Variants in XCR1 observed in about 807,000 individuals in gnomAD.
The protein encoded by XCR1 is chemokine XC receptor 1.
For synonymous variants in XCR1, 187 were observed against 188.5 expected (o/e 0.99, Z 0.06); for missense variants, 356 against 424.2 (o/e 0.84, Z 1.41).
intron 5 of XCR1, among the ~76,000 whole-genome samples, chr3:46,047,744 A>T (rs1697662783): frequency 6.6e-6 from 1 of 152,224 alleles, no homozygotes; most frequent in Non-Finnish European, 1.5e-5. Flanking sequence ...ATTGGATGCC[A>T]GTGTTGTATA....
chr3:46,066,402 G>A (rs545897994), intron 4 of XCR1, among the ~76,000 whole-genome samples: 44 of 152,158 alleles, frequency 2.9e-4, no homozygotes, highest in African/African-American at 9.2e-4. Flanking sequence ...GCACCACCAC[G>A]CCCGGCTAAT....
chr3:46,025,272 C>T (rs1708263591), intron 1 of XCR1, among the ~76,000 whole-genome samples: 1 of 152,062 alleles, frequency 6.6e-6, no homozygotes, highest in Admixed American at 6.5e-5. Context: ...GGAGCAGTGG[C>T]TCATGCCTAT....
intron 3 of XCR1, among the ~76,000 whole-genome samples, chr3:46,072,675 C>A (rs1173109990): frequency 6.6e-6 from 1 of 152,036 alleles, no homozygotes; most frequent in South Asian, 2.1e-4. Flanking sequence ...TTAATATTGT[C>A]AAAATGACCA....
chr3:46,071,907 A>G (rs919031684), intron 3 of XCR1, among the ~76,000 whole-genome samples: 8 of 152,166 alleles, frequency 5.3e-5, no homozygotes, highest in Non-Finnish European at 8.8e-5. Context: ...GAACAAGTCA[A>G]GAATGTCCAC....
At chr3:46,062,190 T>C (rs1432268308) in intron 4 of XCR1, among the ~76,000 whole-genome samples, 4 of 152,128 alleles carry the variant, frequency 2.6e-5, no homozygotes, top group African/African-American at 2.4e-5. Flanking sequence ...CTTGGGGAGA[T>C]GCAGGCCTCC....
At position 46,019,757 on chromosome 3, in the gene XCR1, T is replaced by G. The variant is rs2125892042; in HGVS notation, c.*1189A>C. The G allele has an allele frequency of 6.6e-6, 1 of 152,304 alleles. No individual in the cohort carries two copies. The highest frequency in any genetic ancestry group is 2.1e-4 in the South Asian group (1 of 4,826). The allele number at this position is 152,304 out of a possible 1,614,324, so 9.4% of individuals were successfully genotyped here. ...CCTTGCTAAAGTGTATGGACTTCATTTGTAAGTAATGAGGAGCCACTAAGG... is the reference window on the plus strand; with the variant it reads ...CCTTGCTAAAGTGTATGGACTTCATGTGTAAGTAATGAGGAGCCACTAAGG... On this transcript the variant is annotated 3_prime_UTR_variant, in exon 2 of 2. Transcript: ENST00000309285.
intron 5 of XCR1, among the ~76,000 whole-genome samples, chr3:46,053,534 G>C (rs4339141): frequency 0.3 from 45,459 of 151,928 alleles, 8,335 homozygotes; most frequent in African/African-American, 0.52. Flanking sequence ...CAGATTTTTA[G>C]ATTCAGCCTG....
intron 5 of XCR1, among the ~76,000 whole-genome samples, chr3:46,053,659 TCTC>T (rs1385819972): frequency 5.3e-5 from 8 of 152,170 alleles, no homozygotes; most frequent in Non-Finnish European, 1.2e-4. Context: ...TTTTAATCCT[TCTC>T]CTGCTCTGTC....
intron 5 of XCR1, among the ~76,000 whole-genome samples, chr3:46,046,941 G>A (rs1476176945): frequency 1.3e-5 from 2 of 152,160 alleles, no homozygotes; most frequent in East Asian, 3.8e-4. Context: ...ACTCACTTTG[G>A]TTATATTTTA....
intron 4 of XCR1, among the ~76,000 whole-genome samples, chr3:46,060,422 A>G (rs1429827261): frequency 6.6e-6 from 1 of 152,156 alleles, no homozygotes; most frequent in Non-Finnish European, 1.5e-5. Context: ...GTCTTCTTCT[A>G]TTGTGTAGTA....
chr3:46,034,160 C>T (rs992489522), intron 5 of XCR1, among the ~76,000 whole-genome samples: 5 of 151,986 alleles, frequency 3.3e-5, no homozygotes, highest in Non-Finnish European at 4.4e-5. Flanking sequence ...TTTTAGTAGA[C>T]GGGGTTTCAC....
chr3:46,080,425 G>A (rs1698337290), intron 1 of XCR1, among the ~76,000 whole-genome samples: 1 of 152,258 alleles, frequency 6.6e-6, no homozygotes, highest in South Asian at 2.1e-4. Context: ...GGCCAAGCAT[G>A]GTGGCTCACA....
chr3:46,053,369 C>T lies in XCR1; in HGVS notation c.-32+551G>A, dbSNP rs1346394035. Among the ~76,000 whole-genome samples the T allele has an allele frequency of 4.8e-5, 7 of 147,232 alleles. 1 individual carries two copies. The South Asian group carries it at 8.5e-4, about 18-fold the overall frequency. ...GGGCTCTCCAGCCATGGCAGCAGAACGTAAAATTCTTTGTATTGGGGTCTC... is the reference window on the plus strand; with the variant it reads ...GGGCTCTCCAGCCATGGCAGCAGAATGTAAAATTCTTTGTATTGGGGTCTC... On this transcript the variant is annotated intron_variant, in intron 5 of 5. Coordinates refer to the XCR1 transcript ENST00000683768.
At chr3:46,037,492 A>T (rs566333893) in intron 5 of XCR1, among the ~76,000 whole-genome samples, 1 of 152,188 alleles carries the variant, frequency 6.6e-6, no homozygotes, top group Non-Finnish European at 1.5e-5. Context: ...AAATAAAATG[A>T]CTAGTTATTT....
In XCR1 at chr3:46,020,594, A is replaced by G. The variant is rs75520708; in HGVS notation, c.*352T>C. The G allele has an allele frequency of 7.2e-6, 2 of 276,620 alleles. No homozygotes were observed. The highest frequency in any genetic ancestry group is 1.1e-4 in the South Asian group (2 of 18,918). 17.1% of individuals were successfully genotyped at this position (276,620 alleles called of 1,614,324 possible). A position where few individuals can be genotyped will look rare whatever the true frequency, so the allele number is the denominator to read the frequency against. ...TATCACAATGAGCTTTAGGCCCTGT[A>G]AAGTCTCCAAGGAAGCACCTTTCCC... On this transcript the variant is annotated 3_prime_UTR_variant, in exon 2 of 2. Coordinates refer to ENST00000309285, the MANE Select transcript of XCR1 (RefSeq NM_001024644.2).
rs772730348 is a variant in XCR1 at position 46,065,657 on chromosome 3, C to T, written c.-183+1242G>A. Among the ~76,000 whole-genome samples, 5 of 152,272 alleles carry T rather than the reference C, an allele frequency of 3.3e-5. No individual in the cohort carries two copies. The South Asian group carries it at 6.2e-4, about 19-fold the overall frequency. ...GTTGGGGAAATGCAGGTGGTGGCCC[C>T]GGGCTACACCAAGCTCCACTGCTGC... is the stretch of plus-strand genomic sequence containing the variant. On this transcript the variant is annotated intron_variant, in intron 4 of 5. Coordinates refer to the XCR1 transcript ENST00000683768.
At chr3:46,043,244 C>A (rs1240844041) in intron 5 of XCR1, among the ~76,000 whole-genome samples, 1 of 151,972 alleles carries the variant, frequency 6.6e-6, no homozygotes, top group Non-Finnish European at 1.5e-5. Flanking sequence ...AGTTTAAGAC[C>A]AGCCTGGCCA....
intron 4 of XCR1, among the ~76,000 whole-genome samples, chr3:46,054,458 G>C (rs1350795765): frequency 6.6e-6 from 1 of 152,090 alleles, no homozygotes; most frequent in Non-Finnish European, 1.5e-5. Context: ...AGTCCCACGG[G>C]CGTTCGGCTC....
At chr3:46,030,252 G>T (rs535135455), upstream of XCR1, among the ~76,000 whole-genome samples, 2 of 152,170 alleles carry the variant, frequency 1.3e-5, no homozygotes, top group Non-Finnish European at 2.9e-5. Flanking sequence ...CTGATCTTAG[G>T]AGAAAAGCTT....
Sources: allele counts gnomAD v4.1 joint callset (sites outside exome capture counted in the v4.1 genomes callset), GRCh38; gene constraint gnomAD v4.1.1; transcripts MANE v1.5; gene names NCBI Gene and HGNC (gene_info 2026-07-23, HGNC 2026-07-21).